AGAP9: variants seen among roughly 807,000 people sequenced by gnomAD.
The protein encoded by AGAP9 is arf-GAP with GTPase, ANK repeat and PH domain-containing protein 9.
A neutral mutation model predicts 55.6 loss-of-function variants in AGAP9; 23 were observed. The ratio of observed to expected loss-of-function variants is 0.41; its 90% CI spans 0.30 to 0.59. The LOEUF is 0.59. Ranked by LOEUF, AGAP9 falls within the 20% of genes least tolerant of loss-of-function variation. AGAP9 has a pLI of 0.25. For synonymous variants in AGAP9, 120 were observed against 305.0 expected, an observed-to-expected ratio of 0.39 and a Z score of 6.32; for missense variants, 309 against 808.1, an observed-to-expected ratio of 0.38 and a Z score of 7.49.
At position 47,522,177 on chromosome 10, in the gene AGAP9, G is replaced by A. The variant is rs1239407478; in HGVS notation, c.292+689C>T. ...GCCACGGCAACAAACACTCTTACAG[G>A]GAAGTCTGACATTTTAACCTGCAAT... is the stretch of plus-strand genomic sequence containing the variant. On this transcript the variant is annotated intron_variant, in intron 2 of 7. Transcript: ENST00000452145. 2.8e-5 allele frequency among the ~76,000 whole-genome samples: 4 copies of A among 141,304 alleles called. 1 individual carries two copies. The highest frequency in any genetic ancestry group is 6.1e-5 in the Non-Finnish European group (4 of 65,416). The allele number at this position is 141,304 out of a possible 152,430, so 92.7% of individuals were successfully genotyped here.
At chr10:47,510,150 C>A (rs1407424046) in intron 5 of AGAP9, 21 bp downstream of exon 5, 4 of 1,180,982 alleles carry the variant, frequency 3.4e-6, no homozygotes. Context: ...ATCTGTCCCT[C>A]GGCAGCATAG....
intron 3 of AGAP9, among the ~76,000 whole-genome samples, chr10:47,518,960 G>A (rs1840765640): frequency 8.3e-6 from 1 of 119,818 alleles, no homozygotes; most frequent in African/African-American, 3.4e-5. Context: ...TGCTCTCTAG[G>A]TGTGAGAAGC....
chr10:47,514,363 G>A lies in AGAP9; in HGVS notation c.396+3460C>T, dbSNP rs4013062. On this transcript the variant is annotated intron_variant, in intron 4 of 7. Transcript: ENST00000452145. ...CTATTATTCTAAGTGAAATAACTCA[G>A]CATGGAAAACCAAATATCATGTTCT... Among the ~76,000 whole-genome samples, 18 of 148,376 alleles carry A rather than the reference G, an allele frequency of 1.2e-4. No individual in the cohort carries two copies. In the South Asian group the frequency reaches 1.7e-3, roughly 14 times the overall value.
rs1462028201 is a variant in AGAP9, at chr10:47,508,971, C to T, written c.497+1200G>A. Among the ~76,000 whole-genome samples, 10 of 131,270 alleles carry T rather than the reference C, an allele frequency of 7.6e-5. 3 individuals carry two copies. The highest frequency in any genetic ancestry group is 1.5e-4 in the Non-Finnish European group (10 of 65,122). 86.1% of individuals were successfully genotyped at this position (131,270 alleles called of 152,430 possible). ...CATGATAAAACATTTTTCAATATAT[C>T]TTCTTGAAGCCAATTTGCCCTATTA... On this transcript the variant is annotated intron_variant, in intron 5 of 7. Coordinates refer to ENST00000452145, the MANE Select transcript of AGAP9 (RefSeq NM_001190810.1).
At chr10:47,517,206 C>A in intron 4 of AGAP9, among the ~76,000 whole-genome samples, 1 of 89,548 alleles carries the variant, frequency 1.1e-5, no homozygotes, top group African/African-American at 5.2e-5. Context: ...ACAGTGCTGG[C>A]AATTAACTTA....
chr10:47,513,163 T>C (rs1840662167), intron 4 of AGAP9, among the ~76,000 whole-genome samples: 1 of 149,410 alleles, frequency 6.7e-6, no homozygotes, highest in South Asian at 2.1e-4. Flanking sequence ...GCCACCCGAG[T>C]AGATGGGATA....
intron 3 of AGAP9, among the ~76,000 whole-genome samples, chr10:47,519,419 G>C (rs1228620717): frequency 2.5e-5 from 3 of 118,512 alleles, no homozygotes; most frequent in Non-Finnish European, 3.4e-5. Context: ...AGTGAGCCAA[G>C]ATTGTGCCAT....
In AGAP9 at chr10:47,502,145, G is replaced by A; in HGVS notation, c.*7C>T. 1 of 1,569,768 alleles carries A rather than the reference G, an allele frequency of 6.4e-7. No individual in the cohort carries two copies. Among genetic ancestry groups the A allele is most frequent in the East Asian group, 2.5e-5 (1 of 40,374 alleles). ...GCACTCCTGGCTGGAGGCCTGCCGG[G>A]CGTAGGTCAGCGCTGTGTTCCCGTG... On this transcript the variant is annotated 3_prime_UTR_variant, in exon 8 of 8. Transcript: ENST00000452145.
At chr10:47,519,361 G>A (rs1193210509) in intron 3 of AGAP9, among the ~76,000 whole-genome samples, 1,731 of 116,088 alleles carry the variant, frequency 0.015, 29 homozygotes, top group Middle Eastern at 0.036. Flanking sequence ...CCAACTACTC[G>A]GGAGGCTGAG....
chr10:47,506,323 C>T (rs1338747070), intron 6 of AGAP9, among the ~76,000 whole-genome samples: 1 of 137,000 alleles, frequency 7.3e-6, no homozygotes, highest in African/African-American at 2.7e-5. Flanking sequence ...GTTAGGTCAT[C>T]TTATTGCTTC....
intron 4 of AGAP9, among the ~76,000 whole-genome samples, chr10:47,516,076 C>A: frequency 3.6e-5 from 4 of 110,796 alleles, no homozygotes; most frequent in Non-Finnish European, 3.6e-5. Flanking sequence ...ACAGAATATC[C>A]CAGAACTAGA....
chr10:47,503,937 C>CAAAAAAAAAA (rs1186798630), intron 7 of AGAP9, among the ~76,000 whole-genome samples: 10 of 23,442 alleles, frequency 4.3e-4, no homozygotes, highest in Admixed American at 1.4e-3. Context: ...GAGAGTCCAT[C>CAAAAAAAAAA]AAAAAAAAAA....
At chr10:47,508,114 G>A (rs1840521422) in intron 5 of AGAP9, among the ~76,000 whole-genome samples, 1 of 124,846 alleles carries the variant, frequency 8.0e-6, no homozygotes, top group Non-Finnish European at 1.7e-5. Flanking sequence ...GCCCAGGCTG[G>A]AGTGCAATGG....
At position 47,513,512 on chromosome 10, in the gene AGAP9, T is replaced by G. The variant is rs1464188362; in HGVS notation, c.397-3241A>C. Among the ~76,000 whole-genome samples the G allele has an allele frequency of 2.3e-4, 33 of 142,084 alleles. 5 individuals carry two copies. Among genetic ancestry groups the G allele is most frequent in the Non-Finnish European group, 4.6e-4 (30 of 65,220 alleles). 93.2% of individuals were successfully genotyped at this position (142,084 alleles called of 152,430 possible). ...AACTCCCATCAAAATACCACCATCC[T>G]TCTTCACAGAACTAGAAAAAACAGT... On this transcript the variant is annotated intron_variant, in intron 4 of 7. Coordinates refer to ENST00000452145, the MANE Select transcript of AGAP9 (RefSeq NM_001190810.1).
At chr10:47,503,937 CAAAAAAA>C (rs1186798630) in intron 7 of AGAP9, among the ~76,000 whole-genome samples, 8,801 of 22,012 alleles carry the variant, frequency 0.4, 458 homozygotes, top group South Asian at 0.53. Flanking sequence ...GAGAGTCCAT[CAAAAAAA>C]AAAAAAAAAA....
At position 47,506,554 on chromosome 10, in the gene AGAP9, T is replaced by C. The variant is rs1413618475; in HGVS notation, c.533+994A>G. Among the ~76,000 whole-genome samples the C allele has an allele frequency of 4.2e-5, 6 of 142,242 alleles. 1 individual carries two copies. The highest frequency in any genetic ancestry group is 1.5e-4 in the African/African-American group (6 of 39,204). The allele number at this position is 142,242 out of a possible 152,430, so 93.3% of individuals were successfully genotyped here. On this transcript the variant is annotated intron_variant, in intron 6 of 7. Transcript: ENST00000452145. Reference sequence around the variant, plus strand: ...CATGTTGGTCGGGCTGGTCTCAAACTCCTGACCTCAAGTGATCCACCCACC... The same window carrying C: ...CATGTTGGTCGGGCTGGTCTCAAACCCCTGACCTCAAGTGATCCACCCACC...
At chr10:47,508,067 T>C (rs1840520341) in intron 5 of AGAP9, among the ~76,000 whole-genome samples, 1 of 133,898 alleles carries the variant, frequency 7.5e-6, no homozygotes, top group Non-Finnish European at 1.6e-5. Context: ...GATAATTTTT[T>C]TTTTGGGGGG....
At chr10:47,522,525 A>G (rs2132502002) in intron 2 of AGAP9, among the ~76,000 whole-genome samples, 1 of 149,962 alleles carries the variant, frequency 6.7e-6, no homozygotes, top group East Asian at 2.0e-4. Context: ...TACAGTTAGA[A>G]GAAACTAAGC....
chr10:47,511,137 G>T (rs1160762631), intron 4 of AGAP9, among the ~76,000 whole-genome samples: 3 of 132,168 alleles, frequency 2.3e-5, no homozygotes, highest in Non-Finnish European at 4.7e-5. Flanking sequence ...TAGAGACGGG[G>T]TTTCACCGTG....
Sources: gnomAD v4.1 joint callset for allele counts (sites outside exome capture counted in the v4.1 genomes callset) on GRCh38, gnomAD v4.1.1 for gene constraint, MANE v1.5 for transcripts, NCBI Gene and HGNC (gene_info 2026-07-23, HGNC 2026-07-21) for gene names.